Variants in C5orf34 observed in about 807,000 individuals in gnomAD.
C5orf34 encodes the protein chromosome 5 open reading frame 34.
C5orf34 carries 73 observed loss-of-function variants against 78.4 expected under a neutral mutation model. The ratio of observed to expected loss-of-function variants is 0.93; its 90% CI spans 0.77 to 1.13. The LOEUF is 1.13. Ranked by LOEUF, C5orf34 falls within the 50% of genes most tolerant of loss-of-function variation. The pLI, the probability that C5orf34 is intolerant of heterozygous loss-of-function variation, is 0.00. For missense variants in C5orf34, 730 were observed against 732.7 expected, an observed-to-expected ratio of 1.00 and a Z score of 0.04; for synonymous variants, 251 against 246.6, an observed-to-expected ratio of 1.02 and a Z score of -0.17.
chr5:43,510,977 A>T, intron 1 of C5orf34: 1 of 208,800 alleles, frequency 4.8e-6, no homozygotes, highest in Admixed American at 5.8e-5. Context: ...CCCGGCCGCC[A>T]TCCCATCTAG....
Position 43,487,004 on chromosome 5 carries a change from C to G in C5orf34, c.1828G>C (p.Val610Leu). ...GCTATTGATACTCTATTTTCATTAA[C>G]TTCTCCTAGCAAGGTTTCTGAAGAT... Reference protein sequence around the residue: ...PGSSETLLGEVNENRVSIALK... With the variant: ...PGSSETLLGELNENRVSIALK... The change falls in exon 13 of 13, where the codon GTT becomes CTT. Residue 610 changes from valine (V) to leucine (L), a missense_variant. Coordinates refer to ENST00000306862, the MANE Select transcript of C5orf34 (RefSeq NM_198566.4). 18 of 1,587,526 alleles carry G rather than the reference C, an allele frequency of 1.1e-5. No homozygotes were observed. The highest frequency in any genetic ancestry group is 1.5e-5 in the Non-Finnish European group (18 of 1,165,986).
chr5:43,487,141 C>A, intron 12 of C5orf34, 30 bp from the exon 13 acceptor site: 1 of 1,058,690 alleles, frequency 9.4e-7, no homozygotes, highest in South Asian at 2.0e-5. Context: ...AGGTTTTCCC[C>A]ACATTTTTCA....
rs200027263 is a variant in C5orf34, at chr5:43,494,582, G to A, written c.1172C>T (p.Ser391Leu). 395 of 1,598,076 alleles carry A rather than the reference G, an allele frequency of 2.5e-4. No individual in the cohort carries two copies. Among genetic ancestry groups the A allele is most frequent in the Non-Finnish European group, 3.1e-4 (360 of 1,169,944 alleles). ...GSGKREEKTY[S>L]VNNLPPDRPG... ...TCTATCTGGAGGAAGGTTATTTACTGAGTAAGTTTTCTCTTCTCTCTGAAA... is the reference window on the plus strand; with the variant it reads ...TCTATCTGGAGGAAGGTTATTTACTAAGTAAGTTTTCTCTTCTCTCTGAAA... The change falls in exon 7 of 13, where the codon TCA (serine) becomes TTA (leucine). Residue 391 changes from serine (S) to leucine (L), a missense_variant. Transcript: ENST00000306862.
At chr5:43,488,730 A>G (rs1037784209) in intron 11 of C5orf34, among the ~76,000 whole-genome samples, 2 of 152,112 alleles carry the variant, frequency 1.3e-5, no homozygotes, top group Non-Finnish European at 2.9e-5. Flanking sequence ...ATACGTCTCC[A>G]GCAGAACCCC....
At chr5:43,514,693 A>G (rs912173575) in intron 1 of C5orf34, 113 bp downstream of exon 1, 2 of 152,084 alleles carry the variant, frequency 1.3e-5, no homozygotes, top group South Asian at 2.1e-4. Flanking sequence ...AACACTCAAA[A>G]ATCCACAAGT....
At chr5:43,499,185 TGAG>T (rs1466114852) in intron 6 of C5orf34, among the ~76,000 whole-genome samples, 2 of 152,194 alleles carry the variant, frequency 1.3e-5, no homozygotes, top group South Asian at 2.1e-4. Context: ...AAAGCGTCTG[TGAG>T]GAGATGACAT....
chr5:43,504,291 C>A (rs1443416038), intron 4 of C5orf34, among the ~76,000 whole-genome samples: 2 of 143,798 alleles, frequency 1.4e-5, no homozygotes, highest in African/African-American at 2.6e-5. Context: ...AGCGAGAATC[C>A]ATCTCAAAAA....
chr5:43,500,167 T>C (rs1745699384), intron 6 of C5orf34, among the ~76,000 whole-genome samples: 2 of 152,366 alleles, frequency 1.3e-5, no homozygotes, highest in South Asian at 2.1e-4. Context: ...TGTTATGTCA[T>C]TGATATTTTA....
chr5:43,511,899 T>C (rs188614068), intron 1 of C5orf34, among the ~76,000 whole-genome samples: 176 of 152,224 alleles, frequency 1.2e-3, no homozygotes, highest in African/African-American at 4.1e-3. Flanking sequence ...TGCGGAAGGC[T>C]GCAGGGTCCT....
chr5:43,494,471 A>T, intron 7 of C5orf34, 39 bp downstream of exon 7: 1 of 1,311,904 alleles, frequency 7.6e-7, no homozygotes, highest in Non-Finnish European at 1.1e-6. Flanking sequence ...AGATGTTTAG[A>T]CACATAACAT....
At chr5:43,501,282 C>T (rs1230506026) in intron 6 of C5orf34, among the ~76,000 whole-genome samples, 1 of 152,216 alleles carries the variant, frequency 6.6e-6, no homozygotes, top group Non-Finnish European at 1.5e-5. Context: ...CACATACACA[C>T]ATATATACGT....
intron 9 of C5orf34, 97 bp from the exon 10 acceptor site, chr5:43,492,406 G>T: frequency 1.3e-6 from 1 of 795,322 alleles, no homozygotes; most frequent in Non-Finnish European, 2.1e-6. Context: ...AATAAGTAGA[G>T]GAATCATTAA....
At position 43,506,666 on chromosome 5, in the gene C5orf34, G is replaced by T. The variant is rs187456120; in HGVS notation, c.286-272C>A. ...TCATATTTAGTGTTAAATGTATTTT[G>T]GTTTTAAATGTACAATGAATTAAAC... On this transcript the variant is annotated intron_variant, in intron 3 of 12. Transcript: ENST00000306862. Among the ~76,000 whole-genome samples, 28 of 151,896 alleles carry T rather than the reference G, an allele frequency of 1.8e-4. 1 individual carries two copies. In the East Asian group the frequency reaches 5.4e-3, roughly 29 times the overall value.
chr5:43,503,199 T>C (rs1745836672), intron 5 of C5orf34, among the ~76,000 whole-genome samples: 1 of 152,332 alleles, frequency 6.6e-6, no homozygotes, highest in East Asian at 1.9e-4. Context: ...TTGTGGGGTA[T>C]GGATAATTCA....
chr5:43,487,952 G>T lies in C5orf34; in HGVS notation c.1680-3C>A, dbSNP rs1466625213. ...TTTCAAGTTCAGAAGCAACAGACCTGTCCAAGGAAAAAGAAAAAATTCATT... is the reference window on the plus strand; with the variant it reads ...TTTCAAGTTCAGAAGCAACAGACCTTTCCAAGGAAAAAGAAAAAATTCATT... On this transcript the variant is annotated splice_region_variant and splice_polypyrimidine_tract_variant and intron_variant, in intron 11 of 12. Transcript: ENST00000306862. The T allele has an allele frequency of 2.5e-6, 4 of 1,601,548 alleles. No homozygotes were observed. The African/African-American group carries it at 4.0e-5, about 16-fold the overall frequency.
intron 11 of C5orf34, among the ~76,000 whole-genome samples, chr5:43,488,856 C>T (rs1745162985): frequency 6.6e-6 from 1 of 152,074 alleles, no homozygotes; most frequent in Non-Finnish European, 1.5e-5. Flanking sequence ...AGACATTAGT[C>T]TAAAATATTC....
intron 1 of C5orf34, among the ~76,000 whole-genome samples, chr5:43,513,436 G>T (rs1363821679): frequency 6.6e-6 from 1 of 152,152 alleles, no homozygotes. Flanking sequence ...AATCCAGTCT[G>T]CATACAGTAG....
chr5:43,503,041 T>C (rs1482523897), intron 5 of C5orf34, among the ~76,000 whole-genome samples: 2 of 152,220 alleles, frequency 1.3e-5, no homozygotes, highest in African/African-American at 2.4e-5. Flanking sequence ...TTAGAATATG[T>C]TGTTAGAAGG....
chr5:43,502,326 G>A, intron 6 of C5orf34, 46 bp downstream of exon 6: 1 of 1,597,532 alleles, frequency 6.3e-7, no homozygotes, highest in Non-Finnish European at 8.6e-7. Flanking sequence ...TTTAGAAAGA[G>A]CTATACAGCA....
Sources: gnomAD v4.1 joint callset for allele counts (sites outside exome capture counted in the v4.1 genomes callset) on GRCh38, gnomAD v4.1.1 for gene constraint, MANE v1.5 for transcripts, NCBI Gene and HGNC (gene_info 2026-07-23, HGNC 2026-07-21) for gene names.